Variants in TENM3 observed in about 807,000 individuals in gnomAD.
The protein encoded by TENM3 is teneurin transmembrane protein 3, also known as teneurin-3.
TENM3 carries 63 observed loss-of-function variants against 255.1 expected under a neutral mutation model. That is an observed-to-expected ratio of 0.25 (90% CI 0.20 to 0.30). The LOEUF is 0.30. Ranked by LOEUF, TENM3 falls within the 10% of genes least tolerant of loss-of-function variation. The pLI is 1.00. For synonymous variants in TENM3, 1,306 were observed against 1,322.3 expected (o/e 0.99, Z 0.27); for missense variants, 2,929 against 3,461.1 (o/e 0.85, Z 3.86).
At chr4:182,646,808 AT>A (rs1470653346) in intron 5 of TENM3, among the ~76,000 whole-genome samples, 1 of 152,128 alleles carries the variant, frequency 6.6e-6, no homozygotes, top group Non-Finnish European at 1.5e-5. Flanking sequence ...TGTGAGAAAG[AT>A]TTTAGTACAG....
At chr4:182,633,173 C>T (rs1751541533) in intron 5 of TENM3, among the ~76,000 whole-genome samples, 1 of 152,156 alleles carries the variant, frequency 6.6e-6, no homozygotes, top group Non-Finnish European at 1.5e-5. Flanking sequence ...ATCAAGCTGT[C>T]CTCTTGCCTC....
the TENM3 span, among the ~76,000 whole-genome samples, chr4:181,754,091 G>A: frequency 0.41 from 62,454 of 151,940 alleles, 13,081 homozygotes; most frequent in African/African-American, 0.49. Context: ...TATCTTTTAT[G>A]CTATAAATCA....
intron 2 of TENM3, among the ~76,000 whole-genome samples, chr4:182,335,339 C>CAA (rs1269234807): frequency 7.9e-6 from 1 of 126,920 alleles, no homozygotes; most frequent in African/African-American, 3.0e-5. Flanking sequence ...ACTAAAAATA[C>CAA]AAAAAATTAG....
At chr4:182,254,169 T>C (rs1758221875) in intron 1 of TENM3, among the ~76,000 whole-genome samples, 1 of 152,198 alleles carries the variant, frequency 6.6e-6, no homozygotes, top group Non-Finnish European at 1.5e-5. Flanking sequence ...TGCCCCTATG[T>C]GAAATCTACA....
intron 3 of TENM3, among the ~76,000 whole-genome samples, chr4:182,387,234 T>C (rs148030383): frequency 0.015 from 2,291 of 152,262 alleles, 59 homozygotes; most frequent in African/African-American, 0.049. Context: ...AACACACCAG[T>C]CAGCACCCTG....
At chr4:182,022,255 T>G in the TENM3 span, among the ~76,000 whole-genome samples, 1 of 152,026 alleles carries the variant, frequency 6.6e-6, no homozygotes, top group African/African-American at 2.4e-5. Flanking sequence ...TGCAGCAATG[T>G]GGATGCAGCA....
At chr4:181,451,217 C>T in the TENM3 span, among the ~76,000 whole-genome samples, 1 of 152,066 alleles carries the variant, frequency 6.6e-6, no homozygotes, top group African/African-American at 2.4e-5. Flanking sequence ...GTGGAAAGAA[C>T]ATGGACAAAG....
the TENM3 span, among the ~76,000 whole-genome samples, chr4:181,976,712 T>C: frequency 3.3e-5 from 5 of 152,268 alleles, no homozygotes; most frequent in Non-Finnish European, 7.4e-5. Context: ...CACAAATTAA[T>C]GTTCAGGAGA....
intron 19 of TENM3, among the ~76,000 whole-genome samples, chr4:182,751,348 T>G (rs555073180): frequency 6.6e-6 from 1 of 152,236 alleles, no homozygotes; most frequent in African/African-American, 2.4e-5. Flanking sequence ...TAATACCCTA[T>G]GGTGAGGTAT....
chr4:182,236,869 A>T (rs1036664396), intron 1 of TENM3, among the ~76,000 whole-genome samples: 3 of 152,234 alleles, frequency 2.0e-5, no homozygotes, highest in African/African-American at 7.2e-5. Context: ...TCTGGGATAC[A>T]CATGCAGGAC....
At position 182,681,950 on chromosome 4, in the gene TENM3, G is replaced by C. The variant is rs558378433; in HGVS notation, c.1971G>C (p.Thr657=). The change falls in exon 11 of 28, where the codon ACG becomes ACC. Residue 657 remains threonine, a synonymous_variant. Transcript: ENST00000511685. ...CAGACCAGTGCTCCGGCCACGGAACGTATCTTCAAGAAAGTGGCTCCTGCA... is the reference window on the plus strand; with the variant it reads ...CAGACCAGTGCTCCGGCCACGGAACCTATCTTCAAGAAAGTGGCTCCTGCA... ...MCPDQCSGHG[T]YLQESGSCTC... 1 of 1,613,964 alleles carries C rather than the reference G, an allele frequency of 6.2e-7. No individual in the cohort carries two copies. Among genetic ancestry groups the C allele is most frequent in the African/African-American group, 1.3e-5 (1 of 75,040 alleles).
chr4:181,500,983 CTTG>C, the TENM3 span, among the ~76,000 whole-genome samples: 2 of 152,190 alleles, frequency 1.3e-5, no homozygotes, highest in South Asian at 2.1e-4. Flanking sequence ...CCCCTAATCT[CTTG>C]TTGTGGCTTT....
intron 1 of TENM3, among the ~76,000 whole-genome samples, chr4:182,316,845 A>G (rs1050289513): frequency 6.6e-6 from 1 of 151,908 alleles, no homozygotes; most frequent in African/African-American, 2.4e-5. Context: ...GCTCAGCTTC[A>G]CCTCTAATTG....
chr4:182,294,156 TAAG>T lies in TENM3; in HGVS notation c.-75-29785_-75-29783del, dbSNP rs367829022. On this transcript the variant is annotated intron_variant, in intron 1 of 27. Coordinates refer to ENST00000511685, the MANE Select transcript of TENM3 (RefSeq NM_001080477.4). ...AGTTAAAAAAAAAAATGTCATCGCT[TAAG>T]AAGAGGATTCCTACTAATACTGTGA... Among the ~76,000 whole-genome samples, 40 of 152,268 alleles carry T rather than the reference TAAG, an allele frequency of 2.6e-4. No homozygotes were observed. The East Asian group carries it at 6.0e-3, about 23-fold the overall frequency.
At chr4:182,263,590 A>AT (rs1759021338) in intron 1 of TENM3, among the ~76,000 whole-genome samples, 1 of 132,692 alleles carries the variant, frequency 7.5e-6, no homozygotes, top group Non-Finnish European at 1.5e-5. Context: ...GACATGGGCA[A>AT]TTCCCCCCCC....
At chr4:182,778,430 G>A (rs1764873670) in intron 24 of TENM3, among the ~76,000 whole-genome samples, 2 of 152,102 alleles carry the variant, frequency 1.3e-5, no homozygotes, top group African/African-American at 2.4e-5. Context: ...AGCGTGGGAC[G>A]GCACAATGCA....
chr4:182,731,392 C>G (rs1164268047), intron 16 of TENM3, among the ~76,000 whole-genome samples: 1 of 151,856 alleles, frequency 6.6e-6, no homozygotes, highest in Non-Finnish European at 1.5e-5. Flanking sequence ...CCTGTAGTCC[C>G]AGCTACTTGG....
At chr4:181,705,055 A>C in the TENM3 span, among the ~76,000 whole-genome samples, 5 of 100,234 alleles carry the variant, frequency 5.0e-5, no homozygotes, top group African/African-American at 1.6e-4. Context: ...ACAAAACAAA[A>C]AAAAAAAAAC....
chr4:181,656,543 C>T, the TENM3 span, among the ~76,000 whole-genome samples: 1 of 152,024 alleles, frequency 6.6e-6, no homozygotes, highest in Admixed American at 6.6e-5. Context: ...TGCAGATGGG[C>T]CCAGGAGAGC....
Sources: allele counts gnomAD v4.1 joint callset (sites outside exome capture counted in the v4.1 genomes callset), GRCh38; gene constraint gnomAD v4.1.1; transcripts MANE v1.5; gene names NCBI Gene and HGNC (gene_info 2026-07-23, HGNC 2026-07-21).